The following MFSD12 variants were observed in gnomAD, a reference collection of about 807,000 sequenced individuals.
MFSD12 encodes the protein major facilitator superfamily domain containing 12.
MFSD12 carries 67 observed loss-of-function variants against 51.2 expected under a neutral mutation model. The observed-to-expected ratio is 1.31, with a 90% confidence interval of 1.08 to 1.60. The LOEUF is 1.60. MFSD12 is among the 40% of genes most tolerant of loss of function. The probability of loss-of-function intolerance (pLI) is 0.00; values close to 1 mark genes in which losing one functional copy is unlikely to be tolerated. For synonymous variants in MFSD12, 441 were observed against 316.7 expected (o/e 1.39, Z -4.17); for missense variants, 921 against 673.0 (o/e 1.37, Z -4.08).
downstream of MFSD12, chr19:3,541,626 C>T (rs2030425726): frequency 8.1e-6 from 8 of 984,156 alleles, no homozygotes; most frequent in African/African-American, 1.8e-5. Flanking sequence ...CAGTGCAAGA[C>T]CCTATTTCTA....
At chr19:3,546,883 G>T (rs1306003613) in intron 6 of MFSD12, among the ~76,000 whole-genome samples, 1 of 152,124 alleles carries the variant, frequency 6.6e-6, no homozygotes, top group African/African-American at 2.4e-5. Context: ...GCCCAGGCTG[G>T]AGTGCAGTGG....
At chr19:3,539,019 TACTC>T in intron 4 of MFSD12, 1 of 630,736 alleles carries the variant, frequency 1.6e-6, no homozygotes, top group Non-Finnish European at 2.9e-6. Flanking sequence ...AGTTGTTAAA[TACTC>T]AGAACGACTC....
chr19:3,541,027 G>GT (rs1440692284), downstream of MFSD12, among the ~76,000 whole-genome samples: 1 of 150,852 alleles, frequency 6.6e-6, no homozygotes, highest in South Asian at 2.1e-4. Context: ...AAATTAGCTG[G>GT]TTGTGGTGGC....
At chr19:3,544,115 G>A (rs1054969847), downstream of MFSD12, 53 of 1,419,120 alleles carry the variant, frequency 3.7e-5, no homozygotes, top group African/African-American at 2.2e-4. Flanking sequence ...CACTGGGCTC[G>A]CTGGCCGCCC....
intron 1 of MFSD12, among the ~76,000 whole-genome samples, chr19:3,556,400 C>T (rs532986856): frequency 4.6e-5 from 7 of 152,302 alleles, no homozygotes; most frequent in East Asian, 1.9e-4. Flanking sequence ...GTGAGGGCCC[C>T]GCAGGTCAGA....
chr19:3,544,281 C>T lies in MFSD12; in HGVS notation c.*429G>A. Reference sequence around the variant, plus strand: ...GCTGCCCACCACGGTGGGGTCCAGGCCCAGCCCACCACCCCGTGGCTGTCT... The same window carrying T: ...GCTGCCCACCACGGTGGGGTCCAGGTCCAGCCCACCACCCCGTGGCTGTCT... On this transcript the variant is annotated 3_prime_UTR_variant, in exon 10 of 10. Transcript: ENST00000355415. 8 of 1,297,236 alleles carry T rather than the reference C, an allele frequency of 6.2e-6. No individual in the cohort carries two copies. The highest frequency in any genetic ancestry group is 3.0e-5 in the East Asian group (1 of 32,964). The allele number at this position is 1,297,236 out of a possible 1,614,324, so 80.4% of individuals were successfully genotyped here. A position where few individuals can be genotyped will look rare whatever the true frequency, so the allele number is the denominator to read the frequency against.
chr19:3,548,309 C>G, intron 2 of MFSD12, 42 bp from the exon 3 acceptor site: 2 of 1,541,006 alleles, frequency 1.3e-6, no homozygotes, highest in Non-Finnish European at 1.7e-6. Flanking sequence ...ACGCCAGGAA[C>G]CTGGGTCACT....
chr19:3,542,794 CA>C, downstream of MFSD12: 4 of 1,370,024 alleles, frequency 2.9e-6, no homozygotes, highest in Non-Finnish European at 3.9e-6. Context: ...GTGGGTCCCC[CA>C]GTCTTCCCTG....
intron 1 of MFSD12, among the ~76,000 whole-genome samples, chr19:3,554,814 TG>T (rs1403451001): frequency 6.6e-6 from 1 of 152,180 alleles, no homozygotes; most frequent in Non-Finnish European, 1.5e-5. Flanking sequence ...GCCCCAGACT[TG>T]GGGGTGAAAT....
chr19:3,543,368 T>G, downstream of MFSD12: 1 of 1,548,934 alleles, frequency 6.5e-7, no homozygotes, highest in Non-Finnish European at 8.7e-7. Context: ...CTCGGACGCC[T>G]GGGAAGCCTG....
In MFSD12 at chr19:3,557,452, C is replaced by T. The variant is rs1414581920; in HGVS notation, c.-49G>A. 5.3e-6 allele frequency: 6 copies of T among 1,133,854 alleles called. No individual in the cohort carries two copies. The highest frequency in any genetic ancestry group is 6.6e-6 in the Non-Finnish European group (6 of 910,078). 70.2% of individuals were successfully genotyped at this position (1,133,854 alleles called of 1,614,324 possible). On this transcript the variant is annotated 5_prime_UTR_variant, in exon 1 of 10. Coordinates refer to ENST00000355415, the MANE Select transcript of MFSD12 (RefSeq NM_174983.5). ...CACCCCCGGGCTCCGCGGAGGGTAC[C>T]CTGGCCAGGCCTTCTTGGGTGCCGT...
At chr19:3,552,815 T>C (rs1024096445) in intron 1 of MFSD12, among the ~76,000 whole-genome samples, 2 of 152,148 alleles carry the variant, frequency 1.3e-5, no homozygotes, top group Admixed American at 6.6e-5. Flanking sequence ...TGAGTAACAA[T>C]AGTGGCCCTG....
intron 6 of MFSD12, 101 bp from the exon 7 acceptor site, chr19:3,546,526 G>A: frequency 7.3e-7 from 1 of 1,372,398 alleles, no homozygotes; most frequent in Non-Finnish European, 9.9e-7. Flanking sequence ...AACAAGGCAT[G>A]AGCTGGATGG....
chr19:3,544,269 G>T lies in MFSD12; in HGVS notation c.*441C>A, dbSNP rs1371963392. 2 of 1,309,908 alleles carry T rather than the reference G, an allele frequency of 1.5e-6. No individual in the cohort carries two copies. Among genetic ancestry groups the T allele is most frequent in the Admixed American group, 7.3e-5 (2 of 27,260 alleles). The allele number at this position is 1,309,908 out of a possible 1,614,324, so 81.1% of individuals were successfully genotyped here. A position where few individuals can be genotyped will look rare whatever the true frequency, so the allele number is the denominator to read the frequency against. On this transcript the variant is annotated 3_prime_UTR_variant, in exon 10 of 10. Transcript: ENST00000355415. ...CCGGGCAGCCCTGCTGCCCACCACG[G>T]TGGGGTCCAGGCCCAGCCCACCACC...
chr19:3,546,082 GT>G lies in MFSD12; in HGVS notation c.1280del (p.His427ProfsTer13). The G allele has an allele frequency of 6.2e-7, 1 of 1,613,416 alleles. No individual in the cohort carries two copies. Among genetic ancestry groups the G allele is most frequent in the Non-Finnish European group, 8.5e-7 (1 of 1,179,972 alleles). The stretch of plus-strand genomic sequence containing the variant: ...CGAACAGCGGCACTCACGGGCAAGG[GT>G]GCAGGCTCTGGATGGCCATGACTGC... ...GLAVMAIQSL[H>X]PCPSELCCRA... On this transcript the variant is annotated frameshift_variant, in exon 8 of 10. Coordinates refer to ENST00000355415, the MANE Select transcript of MFSD12 (RefSeq NM_174983.5). LOFTEE classifies it high-confidence loss of function.
At position 3,557,089 on chromosome 19, in the gene MFSD12, G is replaced by T; in HGVS notation, c.298+17C>A. The stretch of plus-strand genomic sequence containing the variant: ...TCGGAGGGGCTGCCCGACAGGTGGC[G>T]GGGCCGGGACGCTTACCGACCAGGT... On this transcript the variant is annotated intron_variant, in intron 1 of 9. Coordinates refer to ENST00000355415, the MANE Select transcript of MFSD12 (RefSeq NM_174983.5). 1.4e-6 allele frequency: 2 copies of T among 1,441,242 alleles called. No individual in the cohort carries two copies. Among genetic ancestry groups the T allele is most frequent in the South Asian group, 1.4e-5 (1 of 69,144 alleles). 89.3% of individuals were successfully genotyped at this position (1,441,242 alleles called of 1,614,324 possible).
downstream of MFSD12, chr19:3,543,516 G>A (rs768083681): frequency 5.4e-6 from 8 of 1,494,172 alleles, no homozygotes; most frequent in South Asian, 6.2e-5. Context: ...GCCTGCCAGA[G>A]GGGGACAGGA....
chr19:3,548,108 C>A lies in MFSD12; in HGVS notation c.654+15G>T. ...GCTCGAGGACTTCAGGCGACCCACC[C>A]GGACTCCAGCTCACCCGGAACACGG... is the stretch of plus-strand genomic sequence containing the variant. On this transcript the variant is annotated intron_variant, in intron 3 of 9. Transcript: ENST00000355415. 6.2e-7 allele frequency: 1 copy of A among 1,605,006 alleles called. No individual in the cohort carries two copies. Among genetic ancestry groups the A allele is most frequent in the South Asian group, 1.1e-5 (1 of 90,996 alleles).
At position 3,547,377 on chromosome 19, in the gene MFSD12, A is replaced by C; in HGVS notation, c.931-13T>G. On this transcript the variant is annotated splice_polypyrimidine_tract_variant and intron_variant, in intron 5 of 9. Coordinates refer to ENST00000355415, the MANE Select transcript of MFSD12 (RefSeq NM_174983.5). ...TCGCGATGAACTTCTGCGGAGGCAG[A>C]GCCAGGCATGCCGTGTCAGTCATGG... 6.2e-7 allele frequency: 1 copy of C among 1,613,098 alleles called. No homozygotes were observed. The highest frequency in any genetic ancestry group is 8.5e-7 in the Non-Finnish European group (1 of 1,179,872).
Sources: allele counts gnomAD v4.1 joint callset (sites outside exome capture counted in the v4.1 genomes callset), GRCh38; gene constraint gnomAD v4.1.1; transcripts MANE v1.5; gene names NCBI Gene and HGNC (gene_info 2026-07-23, HGNC 2026-07-21).